The following P4HA3 variants were observed in gnomAD, a reference collection of about 807,000 sequenced individuals.
The protein encoded by P4HA3 is prolyl 4-hydroxylase subunit alpha 3.
P4HA3 carries 60 observed loss-of-function variants against 66.7 expected under a neutral mutation model. The ratio of observed to expected loss-of-function variants is 0.90; its 90% CI spans 0.73 to 1.12. The LOEUF (loss-of-function observed/expected upper bound fraction) is 1.12, where lower values mean the gene tolerates loss of function less well. Among genes scored for constraint, P4HA3 ranks in the 50% most tolerant of loss-of-function variants. P4HA3 has a pLI of 0.00. For missense variants in P4HA3, 683 were observed against 685.8 expected, an observed-to-expected ratio of 1.00 and a Z score of 0.05; for synonymous variants, 263 against 274.6, an observed-to-expected ratio of 0.96 and a Z score of 0.42.
chr11:74,277,231 AT>A, intron 8 of P4HA3, 87 bp from the exon 9 acceptor site: 1 of 1,442,756 alleles, frequency 6.9e-7, no homozygotes, highest in Non-Finnish European at 9.5e-7. Context: ...AAACAAATGA[AT>A]TATGTTAATT....
chr11:74,286,948 T>C (rs534411761), intron 5 of P4HA3, among the ~76,000 whole-genome samples: 2 of 152,304 alleles, frequency 1.3e-5, no homozygotes, highest in East Asian at 1.9e-4. Context: ...CCCCAGAGAA[T>C]TGGAAGCTAA....
At chr11:74,285,412 C>A (rs1235418355) in intron 7 of P4HA3, 1 of 154,040 alleles carries the variant, frequency 6.5e-6, no homozygotes, top group Non-Finnish European at 1.4e-5. Context: ...CTACCAATTA[C>A]ATAGAATGGT....
At chr11:74,263,297 A>G (rs949200224), downstream of P4HA3, among the ~76,000 whole-genome samples, 2 of 152,240 alleles carry the variant, frequency 1.3e-5, no homozygotes, top group Admixed American at 6.5e-5. Context: ...TATATTCAAC[A>G]GATATCTACA....
intron 5 of P4HA3, chr11:74,286,998 T>C: frequency 1.5e-6 from 1 of 679,874 alleles, no homozygotes; most frequent in Non-Finnish European, 1.8e-6. Flanking sequence ...ATCTCCTAAC[T>C]GGCCTAGACC....
chr11:74,256,102 T>C, intron 15 of P4HA3: 1 of 345,870 alleles, frequency 2.9e-6, no homozygotes, highest in Non-Finnish European at 5.9e-6. Flanking sequence ...GGTGCTGTTA[T>C]GTTCCTTTTA....
At chr11:74,307,980 G>A (rs1300290777) in intron 1 of P4HA3, among the ~76,000 whole-genome samples, 2 of 151,630 alleles carry the variant, frequency 1.3e-5, no homozygotes, top group African/African-American at 2.4e-5. Context: ...CAAAAGCTAG[G>A]ATAAACTCTT....
intron 15 of P4HA3, among the ~76,000 whole-genome samples, chr11:74,256,807 A>T (rs1221594771): frequency 6.6e-6 from 1 of 151,928 alleles, no homozygotes; most frequent in Admixed American, 6.6e-5. Flanking sequence ...TTGGAGGCAG[A>T]TGTAGATCTG....
At chr11:74,269,204 C>T (rs17132891) in intron 11 of P4HA3, among the ~76,000 whole-genome samples, 7,733 of 152,230 alleles carry the variant, frequency 0.051, 501 homozygotes, top group African/African-American at 0.15. Flanking sequence ...CCTATCCTTT[C>T]CAAATCCCTA....
At position 74,311,462 on chromosome 11, in the gene P4HA3, C is replaced by T; in HGVS notation, c.150G>A (p.Leu50=). The T allele has an allele frequency of 6.5e-7, 1 of 1,537,220 alleles. No homozygotes were observed. Among genetic ancestry groups the T allele is most frequent in the Admixed American group, 1.9e-5 (1 of 51,406 alleles). ...ALAPERRLLG[L]LRRYLRGEEA... is the part of the protein sequence containing the mutation. ...CCTCCCCGCGCAGGTACCGCCTCAG[C>T]AGCCCCAGCAGCCGGCGCTCGGGCG... The change falls in exon 1 of 13, where the codon CTG becomes CTA. Residue 50 remains leucine, a synonymous_variant. Coordinates refer to ENST00000331597, the MANE Select transcript of P4HA3 (RefSeq NM_182904.5).
Position 74,311,485 on chromosome 11 carries a change from G to A in P4HA3, c.127C>T (p.Pro43Ser), listed in dbSNP as rs1370852657. Reference sequence around the variant, plus strand: ...AGCAGCCCCAGCAGCCGGCGCTCGGGCGCCAGGGCGCGCGCCACGCTGGTC... The same window carrying A: ...AGCAGCCCCAGCAGCCGGCGCTCGGACGCCAGGGCGCGCGCCACGCTGGTC... Reference protein sequence around the residue: ...ALTSVARALAPERRLLGLLRR... With the variant: ...ALTSVARALASERRLLGLLRR... The change falls in exon 1 of 13, where the codon CCC becomes TCC. Residue 43 changes from proline to serine, a missense_variant. By Grantham distance (74) the Pro-to-Ser change is moderately conservative. Coordinates refer to ENST00000331597, the MANE Select transcript of P4HA3 (RefSeq NM_182904.5). The A allele has an allele frequency of 4.6e-6, 7 of 1,532,728 alleles. No homozygotes were observed. In the Admixed American group the frequency reaches 1.2e-4, roughly 26 times the overall value. 94.9% of individuals were successfully genotyped at this position (1,532,728 alleles called of 1,614,324 possible). A position where few individuals can be genotyped will look rare whatever the true frequency, so the allele number is the denominator to read the frequency against.
intron 12 of P4HA3, 60 bp downstream of exon 12, chr11:74,268,085 C>T: frequency 1.0e-5 from 15 of 1,442,980 alleles, no homozygotes; most frequent in East Asian, 9.2e-5. Context: ...CACCCATCCC[C>T]TGTTTCACTC....
chr11:74,270,119 A>G (rs1172742765), intron 10 of P4HA3, among the ~76,000 whole-genome samples: 4 of 152,142 alleles, frequency 2.6e-5, no homozygotes, highest in African/African-American at 9.7e-5. Flanking sequence ...TTGTCATAAA[A>G]CATTCTTAAT....
chr11:74,277,925 G>T (rs975638747), intron 8 of P4HA3, among the ~76,000 whole-genome samples: 1 of 152,218 alleles, frequency 6.6e-6, no homozygotes, highest in Non-Finnish European at 1.5e-5. Context: ...GCTTTTGATG[G>T]ATTAGTGTGT....
At position 74,267,069 on chromosome 11, in the gene P4HA3, A is replaced by G. The variant is rs773355869; in HGVS notation, c.*179T>C. 11 of 1,537,122 alleles carry G rather than the reference A, an allele frequency of 7.2e-6. No individual in the cohort carries two copies. In the South Asian group the frequency reaches 1.3e-4, roughly 18 times the overall value. On this transcript the variant is annotated 3_prime_UTR_variant, in exon 13 of 13. Coordinates refer to ENST00000331597, the MANE Select transcript of P4HA3 (RefSeq NM_182904.5). ...TCCGTGGCTGGGGCAGATCAAATGT[A>G]CATTCTCAGTGTCCCCTGGTAACAA...
At chr11:74,268,064 G>C (rs186995090) in intron 12 of P4HA3, 81 bp downstream of exon 12, 8 of 1,216,454 alleles carry the variant, frequency 6.6e-6, no homozygotes, top group Non-Finnish European at 9.6e-6. Context: ...TGGGATGGCT[G>C]TGGTAGGTCC....
chr11:74,269,855 A>T, intron 10 of P4HA3, 135 bp from the exon 11 acceptor site: 1 of 947,726 alleles, frequency 1.1e-6, no homozygotes, highest in Non-Finnish European at 1.6e-6. Flanking sequence ...AAAGACAATC[A>T]TCCAACTCAG....
intron 1 of P4HA3, among the ~76,000 whole-genome samples, chr11:74,309,405 A>G (rs1432450478): frequency 6.6e-6 from 1 of 152,196 alleles, no homozygotes; most frequent in Non-Finnish European, 1.5e-5. Flanking sequence ...GGGGTTGGCC[A>G]GCTGCTTTGG....
At chr11:74,287,348 A>C (rs562898200) in intron 5 of P4HA3, 1 of 1,281,886 alleles carries the variant, frequency 7.8e-7, no homozygotes, top group Non-Finnish European at 1.0e-6. Flanking sequence ...ACAAGAGAAG[A>C]AGTGAAGTTT....
intron 5 of P4HA3, chr11:74,287,399 T>C: frequency 3.6e-6 from 4 of 1,122,900 alleles, no homozygotes; most frequent in Non-Finnish European, 4.8e-6. Context: ...AGTGAAAATA[T>C]TGCAAAGCCG....
Sources: gnomAD v4.1 joint callset for allele counts (sites outside exome capture counted in the v4.1 genomes callset) on GRCh38, gnomAD v4.1.1 for gene constraint, MANE v1.5 for transcripts, NCBI Gene and HGNC (gene_info 2026-07-23, HGNC 2026-07-21) for gene names.